Variants in CALN1 observed in about 807,000 individuals in gnomAD.
CALN1 encodes calcium-binding protein 8.
Under a neutral mutation model 30.6 loss-of-function variants are expected in CALN1, and 17 were observed. The ratio of observed to expected loss-of-function variants is 0.56; its 90% CI spans 0.38 to 0.83. The LOEUF (loss-of-function observed/expected upper bound fraction) is 0.83, where lower values mean the gene tolerates loss of function less well. CALN1 is among the 40% of genes least tolerant of loss of function. CALN1 has a pLI of 0.00. For synonymous variants in CALN1, 156 were observed against 131.4 expected, an observed-to-expected ratio of 1.19 and a Z score of -1.28; for missense variants, 291 against 354.9, an observed-to-expected ratio of 0.82 and a Z score of 1.45.
intron 4 of CALN1, among the ~76,000 whole-genome samples, chr7:72,067,870 C>A (rs1804132046): frequency 6.6e-6 from 1 of 152,152 alleles, no homozygotes; most frequent in Admixed American, 6.5e-5. Context: ...AGGAAGGAGT[C>A]ACAGGCAAGG....
chr7:72,373,730 G>C (rs745826302), intron 2 of CALN1, among the ~76,000 whole-genome samples: 1 of 152,194 alleles, frequency 6.6e-6, no homozygotes, highest in Non-Finnish European at 1.5e-5. Flanking sequence ...TCCATCATAA[G>C]TCAAGAAGCG....
At chr7:72,279,584 G>T (rs1797594302) in intron 2 of CALN1, among the ~76,000 whole-genome samples, 1 of 152,220 alleles carries the variant, frequency 6.6e-6, no homozygotes, top group South Asian at 2.1e-4. Context: ...ATGGGGCTTA[G>T]AAGTTTCCAC....
chr7:72,302,039 T>C (rs1379916921), intron 2 of CALN1, among the ~76,000 whole-genome samples: 3 of 145,324 alleles, frequency 2.1e-5, no homozygotes, highest in Admixed American at 2.1e-4. Context: ...GAGAGGCTGC[T>C]AAAAAAAAAA....
intron 5 of CALN1, among the ~76,000 whole-genome samples, chr7:71,843,333 T>G (rs1790049952): frequency 6.6e-6 from 1 of 152,018 alleles, no homozygotes; most frequent in African/African-American, 2.4e-5. Flanking sequence ...AGTAAAAAAT[T>G]TTAGGCCAGG....
chr7:71,933,989 C>T (rs1220896852), intron 5 of CALN1, among the ~76,000 whole-genome samples: 2 of 152,290 alleles, frequency 1.3e-5, no homozygotes, highest in African/African-American at 4.8e-5. Flanking sequence ...GAAGCAGCTT[C>T]AGTCGGGGGC....
chr7:72,142,040 C>G (rs940534808), intron 3 of CALN1, among the ~76,000 whole-genome samples: 2 of 152,192 alleles, frequency 1.3e-5, no homozygotes, highest in African/African-American at 4.8e-5. Context: ...CAGCTCCCAG[C>G]GTGAGCGACG....
intron 5 of CALN1, among the ~76,000 whole-genome samples, chr7:71,828,720 G>A (rs555367630): frequency 4.8e-5 from 7 of 147,082 alleles, no homozygotes; most frequent in Admixed American, 1.4e-4. Context: ...ATATGTATAT[G>A]TGTGTGTGTG....
chr7:72,466,843 AAAG>A, the CALN1 span, among the ~76,000 whole-genome samples: 4 of 103,952 alleles, frequency 3.8e-5, no homozygotes, highest in East Asian at 6.4e-4. Context: ...GAGAGAAAGA[AAAG>A]AAAGAAAGAA....
chr7:72,069,742 A>G (rs1393411708), intron 4 of CALN1, among the ~76,000 whole-genome samples: 1 of 152,144 alleles, frequency 6.6e-6, no homozygotes, highest in Non-Finnish European at 1.5e-5. Context: ...AAAGAGGGAG[A>G]GCTTGATATC....
chr7:71,838,997 A>G (rs937610569), intron 5 of CALN1, among the ~76,000 whole-genome samples: 2 of 152,040 alleles, frequency 1.3e-5, no homozygotes, highest in African/African-American at 2.4e-5. Context: ...TTCTTTAGAG[A>G]GAGGGTCTCA....
At chr7:72,203,976 T>TA (rs1562730789) in intron 3 of CALN1, among the ~76,000 whole-genome samples, 4 of 105,254 alleles carry the variant, frequency 3.8e-5, no homozygotes, top group African/African-American at 4.5e-5. Flanking sequence ...AAGAGGCCTC[T>TA]CTCTTTTTTT....
chr7:72,162,732 C>T (rs951180060), intron 3 of CALN1, among the ~76,000 whole-genome samples: 2 of 152,174 alleles, frequency 1.3e-5, no homozygotes, highest in Non-Finnish European at 2.9e-5. Context: ...GAACAAGACT[C>T]TGTCTCAAAA....
chr7:72,044,470 T>C (rs544239381), intron 4 of CALN1, among the ~76,000 whole-genome samples: 154 of 152,068 alleles, frequency 1.0e-3, no homozygotes, highest in African/African-American at 3.5e-3. Flanking sequence ...CTCTCAGGGA[T>C]CCATATGGAA....
intron 5 of CALN1, among the ~76,000 whole-genome samples, chr7:71,879,797 C>T (rs751042629): frequency 8.5e-5 from 13 of 152,194 alleles, no homozygotes; most frequent in Admixed American, 2.0e-4. Context: ...ACGTGCCTCA[C>T]AGAGATGGAA....
At chr7:71,919,249 A>G (rs1276500495) in intron 5 of CALN1, among the ~76,000 whole-genome samples, 1 of 152,178 alleles carries the variant, frequency 6.6e-6, no homozygotes, top group Non-Finnish European at 1.5e-5. Context: ...CCCACTCAAA[A>G]TCTTTTAAAG....
At chr7:72,073,198 G>C (rs1402109472) in intron 4 of CALN1, among the ~76,000 whole-genome samples, 2 of 152,164 alleles carry the variant, frequency 1.3e-5, no homozygotes, top group Non-Finnish European at 2.9e-5. Flanking sequence ...TTACAGAGTA[G>C]TCAAATGCAT....
chr7:72,112,030 C>G (rs1217137034), intron 3 of CALN1, among the ~76,000 whole-genome samples: 1 of 152,138 alleles, frequency 6.6e-6, no homozygotes, highest in Non-Finnish European at 1.5e-5. Context: ...GGATAACAGG[C>G]ATGAGCCACC....
At chr7:72,152,450 A>T (rs1293929805) in intron 3 of CALN1, among the ~76,000 whole-genome samples, 1 of 152,210 alleles carries the variant, frequency 6.6e-6, no homozygotes, top group Non-Finnish European at 1.5e-5. Flanking sequence ...GCGAGAGAGC[A>T]ACACATGAAA....
At chr7:72,441,691 T>C (rs1352716567) in intron 1 of CALN1, among the ~76,000 whole-genome samples, 2 of 149,848 alleles carry the variant, frequency 1.3e-5, no homozygotes, top group African/African-American at 2.5e-5. Flanking sequence ...ACAGGGCGAA[T>C]CGTCTTGAAC....
Sources: allele counts gnomAD v4.1 joint callset (sites outside exome capture counted in the v4.1 genomes callset), GRCh38; gene constraint gnomAD v4.1.1; transcripts MANE v1.5; gene names NCBI Gene and HGNC (gene_info 2026-07-23, HGNC 2026-07-21).